RCBTB2: variants seen among roughly 807,000 people sequenced by gnomAD.
The protein encoded by RCBTB2 is RCC1 and BTB domain containing protein 2.
In RCBTB2, 55 loss-of-function variants were observed where a neutral mutation model predicts 65.4. That is an observed-to-expected ratio of 0.84 (90% CI 0.68 to 1.05). RCBTB2 has a LOEUF of 1.05. Among genes scored for constraint, RCBTB2 ranks in the 50% least tolerant of loss-of-function variants. RCBTB2 has a pLI of 0.00. For synonymous variants in RCBTB2, 220 were observed against 255.2 expected (o/e 0.86, Z 1.31); for missense variants, 599 against 680.1 (o/e 0.88, Z 1.33).
At chr13:48,493,777 A>G (rs990939186) in intron 14 of RCBTB2, among the ~76,000 whole-genome samples, 1 of 152,006 alleles carries the variant, frequency 6.6e-6, no homozygotes, top group South Asian at 2.1e-4. Context: ...ACTTCTTTCC[A>G]TATCACTTGT....
chr13:48,531,652 A>C (rs561761820), intron 1 of RCBTB2, among the ~76,000 whole-genome samples: 5 of 152,338 alleles, frequency 3.3e-5, no homozygotes, highest in Non-Finnish European at 7.4e-5. Context: ...TGGGGTATGC[A>C]AGAACGTATC....
rs751466644 is a variant in RCBTB2 at position 48,515,235 on chromosome 13, T to C, written c.319A>G (p.Ser107Gly). ...GTTGCAAGGACAATATGTGGACCACTCCCATAGCTGAGGCAGGCTATTTTT... is the reference window on the plus strand; with the variant it reads ...GTTGCAAGGACAATATGTGGACCACCCCCATAGCTGAGGCAGGCTATTTTT... ...GKKIACLSYG[S>G]GPHIVLATTE... is the part of the protein sequence containing the mutation. Residue 107 changes from serine (S) to glycine (G), a missense_variant, in exon 6 of 15, where the codon AGT (serine) becomes GGT (glycine). Coordinates refer to ENST00000344532, the MANE Select transcript of RCBTB2 (RefSeq NM_001268.4). 1.2e-6 allele frequency: 2 copies of C among 1,614,142 alleles called. No homozygotes were observed. Among genetic ancestry groups the C allele is most frequent in the East Asian group, 2.2e-5 (1 of 44,882 alleles).
chr13:48,522,120 G>C (rs752994469), intron 3 of RCBTB2, among the ~76,000 whole-genome samples, 158 bp from the exon 4 acceptor site: 5 of 152,206 alleles, frequency 3.3e-5, no homozygotes, highest in Non-Finnish European at 7.3e-5. Context: ...GGAATGAACA[G>C]CTATAAAACT....
intron 10 of RCBTB2, among the ~76,000 whole-genome samples, chr13:48,507,365 T>C (rs1174044750): frequency 6.6e-6 from 1 of 152,232 alleles, no homozygotes; most frequent in Non-Finnish European, 1.5e-5. Context: ...ACACCGACGT[T>C]CCAATTTTCC....
At chr13:48,509,406 C>T (rs1209318984) in intron 10 of RCBTB2, among the ~76,000 whole-genome samples, 1 of 152,144 alleles carries the variant, frequency 6.6e-6, no homozygotes, top group Non-Finnish European at 1.5e-5. Flanking sequence ...TCCTTTAACT[C>T]TGTTTTTCAG....
intron 1 of RCBTB2, among the ~76,000 whole-genome samples, chr13:48,527,369 G>GATATATATATATATGAT (rs71186310): frequency 8.0e-5 from 8 of 99,854 alleles, no homozygotes; most frequent in Non-Finnish European, 1.6e-4. Flanking sequence ...ATTTATATAT[G>GATATATATATATATGAT]ATATATATAT....
intron 1 of RCBTB2, among the ~76,000 whole-genome samples, chr13:48,527,619 T>C (rs1003813782): frequency 6.6e-6 from 1 of 152,024 alleles, no homozygotes; most frequent in Non-Finnish European, 1.5e-5. Flanking sequence ...GTAGTTCAAG[T>C]CTGTACAAAA....
At chr13:48,512,916 A>T (rs750975764) in intron 6 of RCBTB2, 21 bp from the exon 7 acceptor site, 13 of 1,594,296 alleles carry the variant, frequency 8.2e-6, no homozygotes, top group Middle Eastern at 1.7e-4. Context: ...AAAGAAAGAC[A>T]ATCAGTTTTT....
intron 10 of RCBTB2, chr13:48,504,422 T>G: frequency 3.0e-5 from 19 of 625,670 alleles, no homozygotes; most frequent in Non-Finnish European, 3.4e-5. Flanking sequence ...CTCATTGACC[T>G]TCAATGACTT....
rs1289962129 is a variant in RCBTB2 at position 48,512,057 on chromosome 13, A to G, written c.634T>C (p.Cys212Arg). Residue 212 changes from cysteine to arginine, a missense_variant, in exon 8 of 15, where the codon TGT becomes CGT. Coordinates refer to ENST00000344532, the MANE Select transcript of RCBTB2 (RefSeq NM_001268.4). ...ACTGCCATGCAGCACATCTGCCCAC[A>G]TGCTATGGTCACAACTACTTTATTT... Reference protein sequence around the residue: ...LQNKVVVTIACGQMCCMAVVD... With the variant: ...LQNKVVVTIARGQMCCMAVVD... 7 of 1,614,108 alleles carry G rather than the reference A, an allele frequency of 4.3e-6. No homozygotes were observed. The Admixed American group carries it at 1.2e-4, about 27-fold the overall frequency.
intron 4 of RCBTB2, among the ~76,000 whole-genome samples, chr13:48,520,833 C>G (rs748708963): frequency 2.0e-5 from 3 of 150,562 alleles, no homozygotes; most frequent in Non-Finnish European, 4.5e-5. Flanking sequence ...TTAGGCATAC[C>G]TAGCAAAAAA....
chr13:48,532,664 A>G (rs1044376141), intron 1 of RCBTB2: 2 of 247,602 alleles, frequency 8.1e-6, no homozygotes, highest in African/African-American at 2.4e-5. Context: ...CCCCTACCAG[A>G]GGACTCGCGC....
chr13:48,508,673 G>C (rs1213329169), intron 10 of RCBTB2, among the ~76,000 whole-genome samples: 1 of 152,078 alleles, frequency 6.6e-6, no homozygotes, highest in Non-Finnish European at 1.5e-5. Flanking sequence ...CAAAGTGCTG[G>C]GATTACAGGC....
At chr13:48,519,844 C>A (rs1951320322) in intron 4 of RCBTB2, among the ~76,000 whole-genome samples, 1 of 152,116 alleles carries the variant, frequency 6.6e-6, no homozygotes. Flanking sequence ...GAACTGATGA[C>A]TAAATTTATA....
At position 48,493,329 on chromosome 13, in the gene RCBTB2, T is replaced by TCCACACACACACACACACACACACACACA. The variant is rs1566254927; in HGVS notation, c.1515+2861_1515+2862insTGTGTGTGTGTGTGTGTGTGTGTGTGTGG. 1.3e-3 allele frequency among the ~76,000 whole-genome samples: 175 copies of TCCACACACACACACACACACACACACACA among 137,686 alleles called. 1 individual carries two copies. The highest frequency in any genetic ancestry group is 5.2e-3 in the African/African-American group (170 of 32,886). 90.3% of individuals were successfully genotyped at this position (137,686 alleles called of 152,430 possible). A position where few individuals can be genotyped will look rare whatever the true frequency, so the allele number is the denominator to read the frequency against. On this transcript the variant is annotated intron_variant, in intron 14 of 14. Transcript: ENST00000344532. ...CACACACACACACTCTCTCTCTCTC[T>TCCACACACACACACACACACACACACACA]CTCTCTCTCTCTTCTCTTCTCTCTC... is the stretch of plus-strand genomic sequence containing the variant.
chr13:48,533,041 G>A lies in RCBTB2; in HGVS notation c.-232C>T. The A allele has an allele frequency of 2.2e-6, 1 of 454,790 alleles. No homozygotes were observed. Among genetic ancestry groups the A allele is most frequent in the South Asian group, 1.5e-5 (1 of 64,556 alleles). 28.2% of individuals were successfully genotyped at this position (454,790 alleles called of 1,614,324 possible). On this transcript the variant is annotated 5_prime_UTR_variant, in exon 1 of 15. Transcript: ENST00000344532. ...CCACCCTCTTACCTCCTCGCAGGCC[G>A]GAGCCTTGTCCGCTCCGCCTCCTGG...
intron 14 of RCBTB2, among the ~76,000 whole-genome samples, chr13:48,495,063 A>G (rs1397773805): frequency 6.6e-6 from 1 of 152,188 alleles, no homozygotes; most frequent in Non-Finnish European, 1.5e-5. Flanking sequence ...ACAGAAAAAA[A>G]GTTATAACCT....
In RCBTB2 at chr13:48,510,733, A is replaced by T. The variant is rs146463569; in HGVS notation, c.822T>A (p.Asp274Glu). The stretch of plus-strand genomic sequence containing the variant: ...CGCCCCAAGCATACACTTGGCCTTC[A>T]TCTGTTAATACTAATGTGTGTGCGT... ...CGYAHTLVLT[D>E]EGQVYAWGAN... Residue 274 changes from aspartate (D) to glutamate (E), a missense_variant, in exon 10 of 15, where the codon GAT becomes GAA. By Grantham distance (45) the Asp-to-Glu change is conservative. Coordinates refer to ENST00000344532, the MANE Select transcript of RCBTB2 (RefSeq NM_001268.4). 6.2e-7 allele frequency: 1 copy of T among 1,614,030 alleles called. No individual in the cohort carries two copies. Among genetic ancestry groups the T allele is most frequent in the Non-Finnish European group, 8.5e-7 (1 of 1,180,034 alleles).
chr13:48,517,419 C>T (rs1951153471), intron 4 of RCBTB2, among the ~76,000 whole-genome samples: 1 of 152,210 alleles, frequency 6.6e-6, no homozygotes, highest in Non-Finnish European at 1.5e-5. Flanking sequence ...CCCCAAATCC[C>T]TGCTCTCGGC....
Sources: gnomAD v4.1 joint callset for allele counts (sites outside exome capture counted in the v4.1 genomes callset) on GRCh38, gnomAD v4.1.1 for gene constraint, MANE v1.5 for transcripts, NCBI Gene and HGNC (gene_info 2026-07-23, HGNC 2026-07-21) for gene names.